The following ROBO1 variants were observed in gnomAD, a reference collection of about 807,000 sequenced individuals.
ROBO1 encodes roundabout homolog 1.
In ROBO1, 149 loss-of-function variants were observed where a neutral mutation model predicts 195.9. That is an observed-to-expected ratio of 0.76 (90% CI 0.67 to 0.87). ROBO1 has a LOEUF of 0.87. ROBO1 is among the 40% of genes least tolerant of loss of function. The pLI, the probability that ROBO1 is intolerant of heterozygous loss-of-function variation, is 0.00. For synonymous variants in ROBO1, 816 were observed against 733.2 expected (o/e 1.11, Z -1.82); for missense variants, 1,933 against 2,068.3 (o/e 0.93, Z 1.27).
chr3:79,744,525 G>C (rs1379518210), intron 1 of ROBO1, among the ~76,000 whole-genome samples: 1 of 152,096 alleles, frequency 6.6e-6, no homozygotes, highest in Non-Finnish European at 1.5e-5. Flanking sequence ...CATAAGAACA[G>C]GCCAGAGATC....
rs57887981 is a variant in ROBO1 at position 79,500,119 on chromosome 3, C to CTTT, written c.88+89702_88+89704dup. Among the ~76,000 whole-genome samples the CTTT allele has an allele frequency of 4.6e-4, 33 of 72,474 alleles. 2 individuals carry two copies. The highest frequency in any genetic ancestry group is 2.6e-3 in the South Asian group (4 of 1,542). The allele number at this position is 72,474 out of a possible 152,430, so 47.5% of individuals were successfully genotyped here. On this transcript the variant is annotated intron_variant, in intron 2 of 30. Transcript: ENST00000464233. ...CATCCCATGCGGCAGTAAGTTTTCT[C>CTTT]TTTTTTTTTTTTTTTTTTTTTTTTT...
intron 2 of ROBO1, among the ~76,000 whole-genome samples, chr3:79,188,282 G>C (rs928329341): frequency 6.6e-6 from 1 of 151,830 alleles, no homozygotes. Context: ...GGAGAGGAAA[G>C]GCTGTTGCTT....
chr3:79,432,368 C>A (rs950424413), intron 2 of ROBO1, among the ~76,000 whole-genome samples: 1 of 151,968 alleles, frequency 6.6e-6, no homozygotes, highest in Non-Finnish European at 1.5e-5. Context: ...TGGGTTGAGA[C>A]AATTTGGTTA....
At chr3:78,611,457 C>A (rs952149119) in intron 28 of ROBO1, among the ~76,000 whole-genome samples, 13 of 152,164 alleles carry the variant, frequency 8.5e-5, no homozygotes, top group African/African-American at 3.1e-4. Context: ...TTCATATATC[C>A]TAATCCTACC....
At chr3:79,282,480 CAAGAG>C (rs1007105238) in intron 2 of ROBO1, among the ~76,000 whole-genome samples, 7 of 152,118 alleles carry the variant, frequency 4.6e-5, no homozygotes, top group African/African-American at 1.7e-4. Flanking sequence ...AGGGCGTGAA[CAAGAG>C]AAGTGACAGG....
chr3:79,283,300 C>A (rs1422378401), intron 2 of ROBO1, among the ~76,000 whole-genome samples: 1 of 152,114 alleles, frequency 6.6e-6, no homozygotes, highest in African/African-American at 2.4e-5. Flanking sequence ...TGGGATCAGT[C>A]GTACCCCAAA....
intron 2 of ROBO1, among the ~76,000 whole-genome samples, chr3:79,427,933 G>T (rs971641523): frequency 1.3e-5 from 2 of 152,062 alleles, no homozygotes; most frequent in Non-Finnish European, 2.9e-5. Flanking sequence ...AGCAAAAATG[G>T]ACAAATGGGA....
intron 3 of ROBO1, chr3:79,019,574 G>A (rs946065933): frequency 1.0e-6 from 1 of 985,128 alleles, no homozygotes. Context: ...CTATTCTCCA[G>A]GCGCTGGTCA....
chr3:78,791,070 A>T (rs572662655), intron 4 of ROBO1, among the ~76,000 whole-genome samples: 1 of 152,320 alleles, frequency 6.6e-6, no homozygotes, highest in South Asian at 2.1e-4. Context: ...AGTCTCGTGG[A>T]GGAGACACAG....
intron 4 of ROBO1, among the ~76,000 whole-genome samples, chr3:78,774,446 G>A (rs1345334358): frequency 2.0e-5 from 3 of 152,154 alleles, no homozygotes; most frequent in Middle Eastern, 6.8e-3. Flanking sequence ...AAGTAGCTGG[G>A]ACTACAGGCG....
intron 1 of ROBO1, among the ~76,000 whole-genome samples, chr3:79,650,246 A>G (rs1945963545): frequency 6.6e-6 from 1 of 151,870 alleles, no homozygotes; most frequent in Non-Finnish European, 1.5e-5. Flanking sequence ...TTAGTAAAAC[A>G]GTAAATAGAT....
intron 3 of ROBO1, among the ~76,000 whole-genome samples, chr3:78,951,103 C>T (rs1239532895): frequency 6.6e-6 from 1 of 151,676 alleles, no homozygotes; most frequent in East Asian, 1.9e-4. Context: ...CTCTGACTCA[C>T]TTTCTTAAAG....
At chr3:78,766,973 T>C (rs995952128) in intron 4 of ROBO1, among the ~76,000 whole-genome samples, 4 of 152,216 alleles carry the variant, frequency 2.6e-5, no homozygotes, top group African/African-American at 9.6e-5. Flanking sequence ...GAAACCCACT[T>C]GATCATGGTG....
intron 1 of ROBO1, among the ~76,000 whole-genome samples, chr3:79,720,349 C>A (rs920892015): frequency 2.6e-5 from 4 of 152,106 alleles, no homozygotes; most frequent in Admixed American, 6.5e-5. Flanking sequence ...TACTAGTAGC[C>A]TTTTGCCAAC....
chr3:79,021,401 T>C (rs1466362403), intron 3 of ROBO1, among the ~76,000 whole-genome samples: 1 of 152,186 alleles, frequency 6.6e-6, no homozygotes, highest in African/African-American at 2.4e-5. Flanking sequence ...CATTTGAATG[T>C]ACGTTAAATA....
intron 2 of ROBO1, among the ~76,000 whole-genome samples, chr3:79,241,664 G>C (rs1362831388): frequency 2.0e-5 from 3 of 150,294 alleles, no homozygotes; most frequent in Non-Finnish European, 4.4e-5. Context: ...CAATATTTGT[G>C]TAAATATAGA....
At chr3:79,116,343 T>C (rs886329642) in intron 3 of ROBO1, among the ~76,000 whole-genome samples, 4 of 151,306 alleles carry the variant, frequency 2.6e-5, no homozygotes, top group South Asian at 2.1e-4. Context: ...TTTCCTTTCT[T>C]TCTTTTTCTT....
intron 10 of ROBO1, among the ~76,000 whole-genome samples, chr3:78,674,573 CAG>C (rs1708280000): frequency 6.6e-6 from 1 of 152,150 alleles, no homozygotes; most frequent in Middle Eastern, 3.2e-3. Context: ...TTAAAACGCC[CAG>C]AGTTTGCAGG....
rs761825844 is a variant in ROBO1 at position 78,938,789 on chromosome 3, C to A, written c.311G>T (p.Gly104Val). Residue 104 changes from glycine to valine, a missense_variant, in exon 4 of 31, where the codon GGG becomes GTG. Around this residue, in one of 3 missense-constraint regions of ROBO1, gnomAD observed 185 missense variants for 159.5 expected, o/e 1.16. Coordinates refer to ENST00000464233, the MANE Select transcript of ROBO1 (RefSeq NM_002941.4). ...TTTGTCTGTCTCCACTCTCTCTCCC[C>A]CTTTGTACCATTCAATAGTGGGTGT... The part of the protein sequence containing the change: ...RPTPTIEWYK[G>V]GERVETDKDD... 4.3e-5 allele frequency: 70 copies of A among 1,613,876 alleles called. No individual in the cohort carries two copies. The highest frequency in any genetic ancestry group is 6.7e-5 in the Admixed American group (4 of 60,010).
Sources: gnomAD v4.1 joint callset for allele counts (sites outside exome capture counted in the v4.1 genomes callset) on GRCh38, gnomAD v4.1.1 for gene constraint, gnomAD v4.1.1 regional missense constraint, MANE v1.5 for transcripts, NCBI Gene and HGNC (gene_info 2026-07-23, HGNC 2026-07-21) for gene names.